MED13: variants seen among roughly 807,000 people sequenced by gnomAD.
The protein encoded by MED13 is mediator of RNA polymerase II transcription subunit 13.
A neutral mutation model predicts 225.2 loss-of-function variants in MED13; 23 were observed. The observed-to-expected ratio is 0.10, with a 90% CI of 0.07 to 0.14. The LOEUF is 0.14. Ranked by LOEUF, MED13 falls within the 10% of genes least tolerant of loss-of-function variation. The pLI, the probability that MED13 is intolerant of heterozygous loss-of-function variation, is 1.00. For synonymous variants in MED13, 942 were observed against 889.2 expected (o/e 1.06, Z -1.06); for missense variants, 2,197 against 2,594.5 (o/e 0.85, Z 3.33).
At chr17:61,963,658 C>T (rs941474127) in intron 20 of MED13, among the ~76,000 whole-genome samples, 3 of 152,118 alleles carry the variant, frequency 2.0e-5, no homozygotes, top group Non-Finnish European at 2.9e-5. Context: ...CAATGGTGTA[C>T]AAGTTTCATT....
At chr17:61,983,684 G>A (rs543902207) in intron 15 of MED13, among the ~76,000 whole-genome samples, 3 of 151,146 alleles carry the variant, frequency 2.0e-5, no homozygotes, top group Non-Finnish European at 2.9e-5. Flanking sequence ...TACAAATCAA[G>A]CATAATAGTC....
At chr17:61,993,701 G>A (rs561281006) in intron 10 of MED13, among the ~76,000 whole-genome samples, 44 of 151,748 alleles carry the variant, frequency 2.9e-4, no homozygotes, top group African/African-American at 1.0e-3. Context: ...AGGCCGAGGC[G>A]GGCGGATCAC....
At position 62,020,706 on chromosome 17, in the gene MED13, TA is replaced by T. The variant is rs1415944179; in HGVS notation, c.1283+8834del. Among the ~76,000 whole-genome samples, 208 of 146,484 alleles carry T rather than the reference TA, an allele frequency of 1.4e-3. 1 individual carries two copies. The highest frequency in any genetic ancestry group is 4.0e-3 in the African/African-American group (159 of 39,506). On this transcript the variant is annotated intron_variant, in intron 8 of 29. Coordinates refer to ENST00000397786, the MANE Select transcript of MED13 (RefSeq NM_005121.3). ...CTTTCTTTTTTTTTTTTTTTTTTTTTAATTGATCATTCTTGGGTGTTTCTCG... is the reference window on the plus strand; with the variant it reads ...CTTTCTTTTTTTTTTTTTTTTTTTTTATTGATCATTCTTGGGTGTTTCTCG...
intron 9 of MED13, among the ~76,000 whole-genome samples, chr17:62,002,558 G>A (rs1001360649): frequency 1.3e-5 from 2 of 150,482 alleles, no homozygotes; most frequent in Non-Finnish European, 2.9e-5. Flanking sequence ...TTTAATGACA[G>A]GGAACATCAT....
chr17:61,961,086 G>A lies in MED13; in HGVS notation c.5261C>T (p.Pro1754Leu), dbSNP rs1415883044. The A allele has an allele frequency of 6.2e-7, 1 of 1,609,476 alleles. No individual in the cohort carries two copies. The highest frequency in any genetic ancestry group is 1.7e-5 in the Admixed American group (1 of 59,754). Residue 1754 changes from proline to leucine, a missense_variant, in exon 23 of 30, where the codon CCA becomes CTA. By Grantham distance (98) the Pro-to-Leu change is moderately conservative (BLOSUM62 -3). Transcript: ENST00000397786. ...AGGTGCATAAAGTCGAATACACTCT[G>A]GTCTCTATAAAATAAAAAATTAAGG... ...METALRSPDR[P>L]ECIRLYAPPF...
chr17:62,034,016 A>T (rs1178331417), intron 4 of MED13, 32 bp from the exon 5 acceptor site: 2 of 1,575,546 alleles, frequency 1.3e-6, no homozygotes, highest in African/African-American at 2.7e-5. Context: ...CAAATAAGTA[A>T]CAAAAGACTG....
intron 2 of MED13, among the ~76,000 whole-genome samples, chr17:62,055,529 T>C (rs2080990008): frequency 6.6e-6 from 1 of 151,856 alleles, no homozygotes; most frequent in African/African-American, 2.4e-5. Context: ...GATTTAAGAA[T>C]ATTTAATGTG....
intron 22 of MED13, among the ~76,000 whole-genome samples, 161 bp from the exon 23 acceptor site, chr17:61,961,251 G>T (rs2079996594): frequency 6.6e-6 from 1 of 152,102 alleles, no homozygotes; most frequent in Non-Finnish European, 1.5e-5. Context: ...AATGTTGGCA[G>T]GGCACGGTGG....
At chr17:62,047,342 C>A (rs997777375) in intron 3 of MED13, among the ~76,000 whole-genome samples, 4 of 152,030 alleles carry the variant, frequency 2.6e-5, no homozygotes, top group Non-Finnish European at 5.9e-5. Context: ...CTGTACTCCA[C>A]CCTGGGCGAT....
chr17:61,971,378 C>A (rs961816961), intron 17 of MED13, among the ~76,000 whole-genome samples: 1 of 150,490 alleles, frequency 6.6e-6, no homozygotes, highest in South Asian at 2.1e-4. Context: ...CGGCAACCTG[C>A]GCCTCCCGGG....
intron 2 of MED13, among the ~76,000 whole-genome samples, chr17:62,062,469 T>C (rs951054907): frequency 1.3e-5 from 2 of 152,210 alleles, no homozygotes; most frequent in Admixed American, 6.5e-5. Context: ...TCTCTTATTA[T>C]GTTTGACAGA....
At position 61,995,368 on chromosome 17, in the gene MED13, G is replaced by A; in HGVS notation, c.1968-3C>T. On this transcript the variant is annotated splice_region_variant and splice_polypyrimidine_tract_variant and intron_variant, in intron 9 of 29. Coordinates refer to ENST00000397786, the MANE Select transcript of MED13 (RefSeq NM_005121.3). ...GTTTCTTACATTGCACCATTAACCT[G>A]CATAAAAAAATTAAAAAAAATTAAT... 6.4e-7 allele frequency: 1 copy of A among 1,552,724 alleles called. No homozygotes were observed. The highest frequency in any genetic ancestry group is 8.7e-7 in the Non-Finnish European group (1 of 1,155,250).
chr17:61,988,090 C>G (rs1452406058), intron 11 of MED13, among the ~76,000 whole-genome samples: 1 of 152,062 alleles, frequency 6.6e-6, no homozygotes, highest in Non-Finnish European at 1.5e-5. Flanking sequence ...GAACAATGAT[C>G]AAGAGCTGAC....
intron 16 of MED13, among the ~76,000 whole-genome samples, chr17:61,975,201 T>C (rs2080143733): frequency 6.6e-6 from 1 of 151,076 alleles, no homozygotes; most frequent in Non-Finnish European, 1.5e-5. Context: ...AAATCACACA[T>C]GTGATAAGGG....
At chr17:62,042,965 C>T (rs2080866329) in intron 3 of MED13, among the ~76,000 whole-genome samples, 1 of 151,784 alleles carries the variant, frequency 6.6e-6, no homozygotes. Context: ...GCCTGGTCAA[C>T]ATGGCCAGCA....
chr17:62,026,242 T>A (rs1320870244), intron 8 of MED13, among the ~76,000 whole-genome samples: 1 of 152,230 alleles, frequency 6.6e-6, no homozygotes, highest in East Asian at 1.9e-4. Context: ...AAGGCCTTTA[T>A]AAACTAAATA....
At position 61,982,370 on chromosome 17, in the gene MED13, A is replaced by T. The variant is rs1349791331; in HGVS notation, c.3633T>A (p.Phe1211Leu). 6.2e-7 allele frequency: 1 copy of T among 1,614,204 alleles called. No individual in the cohort carries two copies. The highest frequency in any genetic ancestry group is 2.2e-5 in the East Asian group (1 of 44,890). The change falls in exon 16 of 30, where the codon TTT becomes TTA. Residue 1211 changes from phenylalanine (F) to leucine (L), a missense_variant. By Grantham distance (22) the Phe-to-Leu change is conservative. This residue lies in a region of MED13 where 203 missense variants were observed against 209.7 expected (regional missense o/e 0.97). Transcript: ENST00000397786. Reference protein sequence around the residue: ...SPFGAADQDPFPKSGVISNWV... With the variant: ...SPFGAADQDPLPKSGVISNWV... ...AATTGCTAATTACACCACTTTTAGG[A>T]AAAGGATCTTGGTCTGCTGCTCCAA...
intron 3 of MED13, among the ~76,000 whole-genome samples, chr17:62,041,266 A>G (rs1002475573): frequency 1.3e-5 from 2 of 152,262 alleles, no homozygotes; most frequent in African/African-American, 4.8e-5. Flanking sequence ...GCTTACTGAA[A>G]TAACCCAGAC....
chr17:62,024,078 C>G (rs9914605), intron 8 of MED13, among the ~76,000 whole-genome samples: 10 of 151,408 alleles, frequency 6.6e-5, no homozygotes, highest in Admixed American at 6.6e-4. Context: ...AGTGCAGTAA[C>G]GCCATCTTGG....
Sources: allele counts gnomAD v4.1 joint callset (sites outside exome capture counted in the v4.1 genomes callset), GRCh38; gene constraint gnomAD v4.1.1; regional missense constraint gnomAD v4.1.1; transcripts MANE v1.5; gene names NCBI Gene and HGNC (gene_info 2026-07-23, HGNC 2026-07-21).